Variants in ITPR2 observed in about 807,000 individuals in gnomAD.
ITPR2 encodes the protein inositol 1,4,5-trisphosphate-gated calcium channel ITPR2.
In ITPR2, 207 loss-of-function variants were observed where a neutral mutation model predicts 317.1. The ratio of observed to expected loss-of-function variants is 0.65; its 90% confidence interval spans 0.58 to 0.73. ITPR2 has a LOEUF of 0.73. Among genes scored for constraint, ITPR2 ranks in the 30% least tolerant of loss-of-function variants. ITPR2 has a pLI of 0.00. For synonymous variants in ITPR2, 1,156 were observed against 1,149.1 expected (o/e 1.01, Z -0.12); for missense variants, 2,613 against 3,284.0 (o/e 0.80, Z 4.99).
rs771878038 is a variant in ITPR2, at chr12:26,578,714, C to T, written c.4629G>A (p.Val1543=). 12 of 1,596,878 alleles carry T rather than the reference C, an allele frequency of 7.5e-6. No individual in the cohort carries two copies. The African/African-American group carries it at 1.5e-4, about 20-fold the overall frequency. Reference sequence around the variant, plus strand: ...AGTAAAACTCAAACTATGACTTACCCACTTCAGCCAAAGTTCTGATACAGG... The same window carrying T: ...AGTAAAACTCAAACTATGACTTACCTACTTCAGCCAAAGTTCTGATACAGG... ...VESCIRTLAE[V]AKNRGIAIPV... The change falls in exon 34 of 57, where the codon GTG becomes GTA. Residue 1543 remains valine (V), a splice_region_variant and synonymous_variant. Transcript: ENST00000381340.
intron 55 of ITPR2, among the ~76,000 whole-genome samples, chr12:26,348,498 C>T (rs1938376151): frequency 6.6e-6 from 1 of 152,180 alleles, no homozygotes; most frequent in Non-Finnish European, 1.5e-5. Flanking sequence ...TGGGATTCCT[C>T]ATCCAGTTTC....
At chr12:26,464,139 T>C (rs1222413812) in intron 45 of ITPR2, among the ~76,000 whole-genome samples, 3 of 152,186 alleles carry the variant, frequency 2.0e-5, no homozygotes. Flanking sequence ...GGGATCAGTT[T>C]TGTGGAAAGC....
At chr12:26,504,583 TA>T (rs961565905) in intron 37 of ITPR2, among the ~76,000 whole-genome samples, 1 of 152,124 alleles carries the variant, frequency 6.6e-6, no homozygotes, top group Admixed American at 6.5e-5. Flanking sequence ...TGACAAAAAT[TA>T]AGAAGTCTTA....
intron 55 of ITPR2, among the ~76,000 whole-genome samples, chr12:26,360,876 C>T (rs777060981): frequency 1.3e-5 from 2 of 152,070 alleles, no homozygotes; most frequent in Non-Finnish European, 2.9e-5. Flanking sequence ...TCTAAGTTTA[C>T]CAATTTTTTT....
In ITPR2 at chr12:26,599,233, C is replaced by G. The variant is rs1363243319; in HGVS notation, c.3914G>C (p.Arg1305Pro). Residue 1305 changes from arginine to proline, a missense_variant, in exon 30 of 57, where the codon CGC (arginine) becomes CCC (proline). Arg to Pro is a moderately radical substitution (Grantham distance 103). This residue lies in a region of ITPR2 where 817 missense variants were observed against 897.6 expected (regional missense o/e 0.91). Transcript: ENST00000381340. ...CAAAAACCTCAGGTACTCCACGTGG[C>G]GGCCATGTGTCTCAATGCAGTGCAC... Reference protein sequence around the residue: ...HFVHCIETHGRHVEYLRFLQT... With the variant: ...HFVHCIETHGPHVEYLRFLQT... 2 of 1,613,962 alleles carry G rather than the reference C, an allele frequency of 1.2e-6. No homozygotes were observed. Among genetic ancestry groups the G allele is most frequent in the Non-Finnish European group, 1.7e-6 (2 of 1,179,950 alleles).
At chr12:26,733,462 T>C (rs1949060545) in intron 2 of ITPR2, among the ~76,000 whole-genome samples, 1 of 152,046 alleles carries the variant, frequency 6.6e-6, no homozygotes, top group African/African-American at 2.4e-5. Context: ...TACATATACA[T>C]ATGTGCCACA....
intron 26 of ITPR2, among the ~76,000 whole-genome samples, chr12:26,611,094 C>A (rs1946254494): frequency 1.3e-5 from 2 of 152,226 alleles, no homozygotes; most frequent in African/African-American, 4.8e-5. Context: ...CGGCACCAGG[C>A]AGTGCCTGTT....
At chr12:26,532,156 A>G (rs927401462) in intron 37 of ITPR2, among the ~76,000 whole-genome samples, 9 of 152,224 alleles carry the variant, frequency 5.9e-5, no homozygotes, top group African/African-American at 2.2e-4. Flanking sequence ...AGGTGCAAGG[A>G]ATAAGTCATT....
At chr12:26,478,085 C>T (rs1332144450) in intron 43 of ITPR2, among the ~76,000 whole-genome samples, 1 of 152,026 alleles carries the variant, frequency 6.6e-6, no homozygotes, top group Non-Finnish European at 1.5e-5. Context: ...AAATAATGAC[C>T]ATGCAAATTT....
At chr12:26,345,864 C>T (rs866367378) in intron 55 of ITPR2, among the ~76,000 whole-genome samples, 7 of 149,110 alleles carry the variant, frequency 4.7e-5, no homozygotes, top group Admixed American at 1.3e-4. Context: ...AATATGTATG[C>T]CATCTAACAA....
intron 37 of ITPR2, among the ~76,000 whole-genome samples, chr12:26,504,655 T>G (rs750770642): frequency 1.4e-4 from 22 of 152,206 alleles, no homozygotes; most frequent in Non-Finnish European, 2.8e-4. Flanking sequence ...TTGGTACAAC[T>G]ACTTTGGAAA....
At chr12:26,660,463 T>C (rs576603369) in intron 15 of ITPR2, among the ~76,000 whole-genome samples, 14 of 152,356 alleles carry the variant, frequency 9.2e-5, no homozygotes, top group African/African-American at 3.1e-4. Flanking sequence ...CTTACTTTGA[T>C]TCCTTGGGAT....
intron 47 of ITPR2, among the ~76,000 whole-genome samples, chr12:26,438,149 T>G (rs1236084047): frequency 6.6e-6 from 1 of 152,208 alleles, no homozygotes; most frequent in Non-Finnish European, 1.5e-5. Context: ...TGTCTTCATA[T>G]GTATTTTAGA....
At position 26,456,797 on chromosome 12, in the gene ITPR2, C is replaced by T. The variant is rs368728366; in HGVS notation, c.6343-13147G>A. ...AAGCGATTCTCTTGCCTCAGCCTCT[C>T]GAGTAGCTGGGATTACAGGCACTTG... On this transcript the variant is annotated intron_variant, in intron 45 of 56. Transcript: ENST00000381340. Among the ~76,000 whole-genome samples the T allele has an allele frequency of 1.6e-3, 250 of 152,252 alleles. 1 individual carries two copies. The highest frequency in any genetic ancestry group is 5.5e-3 in the African/African-American group (229 of 41,552).
At chr12:26,561,171 C>T (rs1369321552) in intron 35 of ITPR2, among the ~76,000 whole-genome samples, 2 of 152,170 alleles carry the variant, frequency 1.3e-5, no homozygotes, top group Admixed American at 1.3e-4. Flanking sequence ...TATGAGGACA[C>T]AGCAGGAAGT....
Position 26,495,232 on chromosome 12 carries a change from T to C in ITPR2, c.5102A>G (p.Asn1701Ser). The change falls in exon 38 of 57, where the codon AAT becomes AGT. Residue 1701 changes from asparagine (N) to serine (S), a missense_variant. Physicochemically the swap from Asn to Ser is conservative, Grantham distance 46 (BLOSUM62 1). Coordinates refer to ENST00000381340, the MANE Select transcript of ITPR2 (RefSeq NM_002223.4). ...ACTATAATCACCTTTAAAGTATCGA[T>C]TCAGAAGTATCTTTCTTAATGTGTT... ...EGNTLRKILL[N>S]RYFKGDYSIG... 1 of 1,599,012 alleles carries C rather than the reference T, an allele frequency of 6.3e-7. No homozygotes were observed. Among genetic ancestry groups the C allele is most frequent in the Admixed American group, 1.7e-5 (1 of 59,828 alleles).
At chr12:26,795,977 C>T (rs1322957430) in intron 1 of ITPR2, among the ~76,000 whole-genome samples, 1 of 137,544 alleles carries the variant, frequency 7.3e-6, no homozygotes, top group African/African-American at 2.8e-5. Flanking sequence ...GAGCGAGACT[C>T]TGTTTCCAAA....
At chr12:26,782,041 G>C (rs1197039945) in intron 2 of ITPR2, among the ~76,000 whole-genome samples, 1 of 37,818 alleles carries the variant, frequency 2.6e-5, no homozygotes, top group Non-Finnish European at 4.5e-5. Flanking sequence ...TATGTATAGA[G>C]AGAGAGAGAG....
chr12:26,480,310 G>A (rs1471161514), intron 43 of ITPR2, among the ~76,000 whole-genome samples: 5 of 152,096 alleles, frequency 3.3e-5, no homozygotes, highest in Non-Finnish European at 7.4e-5. Context: ...TGTGCACAAG[G>A]CTTAAACTAA....
Sources: allele counts gnomAD v4.1 joint callset (sites outside exome capture counted in the v4.1 genomes callset), GRCh38; gene constraint gnomAD v4.1.1; regional missense constraint gnomAD v4.1.1; transcripts MANE v1.5; gene names NCBI Gene and HGNC (gene_info 2026-07-23, HGNC 2026-07-21).